CIITA: variants seen among roughly 807,000 people sequenced by gnomAD.
The protein encoded by CIITA is class II major histocompatibility complex transactivator, also known as MHC class II transactivator.
In CIITA, 72 loss-of-function variants were observed where a neutral mutation model predicts 115.1. That is an observed-to-expected ratio of 0.63 (90% CI 0.52 to 0.76). The LOEUF (loss-of-function observed/expected upper bound fraction) is 0.76, where lower values mean the gene tolerates loss of function less well. CIITA is among the 30% of genes least tolerant of loss of function. The pLI is 0.00. For missense variants in CIITA, 1,617 were observed against 1,463.8 expected, an observed-to-expected ratio of 1.10 and a Z score of -1.71; for synonymous variants, 763 against 635.6, an observed-to-expected ratio of 1.20 and a Z score of -3.02.
At position 10,908,121 on chromosome 16, in the gene CIITA, G is replaced by A. The variant is rs772620752; in HGVS notation, c.2629G>A (p.Val877Met). The A allele has an allele frequency of 6.3e-6, 10 of 1,581,416 alleles. No homozygotes were observed. Among genetic ancestry groups the A allele is most frequent in the South Asian group, 1.1e-5 (1 of 87,518 alleles). The change falls in exon 11 of 20, where the codon GTG (valine) becomes ATG (methionine). Residue 877 changes from valine to methionine, a missense_variant. Transcript: ENST00000324288. ...GICPSGLGSLVGLSCVTRFRA... is the reference protein window; with the variant it reads ...GICPSGLGSLMGLSCVTRFRA... ...TTGCCCCTCTGGATTGGGGAGCCTC[G>A]TGGGACTCAGCTGTGTCACCCGTTT...
At chr16:10,912,633 A>G (rs910379685) in intron 13 of CIITA, among the ~76,000 whole-genome samples, 1 of 152,206 alleles carries the variant, frequency 6.6e-6, no homozygotes, top group African/African-American at 2.4e-5. Context: ...CTTGTTTTGA[A>G]CAGAGACAAG....
At chr16:10,921,994 A>G (rs75612724) in intron 16 of CIITA, among the ~76,000 whole-genome samples, 173 bp from the exon 17 acceptor site, 1 of 152,216 alleles carries the variant, frequency 6.6e-6, no homozygotes, top group Non-Finnish European at 1.5e-5. Flanking sequence ...AACCATCCCA[A>G]TGGCCTATGT....
At chr16:10,867,678 C>T (rs2035183076) in intron 1 of CIITA, among the ~76,000 whole-genome samples, 1 of 152,172 alleles carries the variant, frequency 6.6e-6, no homozygotes, top group Non-Finnish European at 1.5e-5. Flanking sequence ...GTCCTCTTTC[C>T]ACTCACATCC....
chr16:10,875,370 C>T (rs1031810237), upstream of CIITA, among the ~76,000 whole-genome samples: 2 of 152,190 alleles, frequency 1.3e-5, no homozygotes, highest in Non-Finnish European at 2.9e-5. Flanking sequence ...ACTCCTCACC[C>T]GGGGACTTCT....
chr16:10,906,304 G>T (rs1049337222), intron 10 of CIITA, among the ~76,000 whole-genome samples, 195 bp from the exon 11 acceptor site: 1 of 152,140 alleles, frequency 6.6e-6, no homozygotes, highest in Non-Finnish European at 1.5e-5. Context: ...AGGTTGCAGC[G>T]AGCTGTGATC....
At chr16:10,881,857 A>G (rs1448523106) in intron 1 of CIITA, among the ~76,000 whole-genome samples, 1 of 152,168 alleles carries the variant, frequency 6.6e-6, no homozygotes, top group Non-Finnish European at 1.5e-5. Flanking sequence ...AGCTCGTGGT[A>G]ACTCCAACTT....
upstream of CIITA, among the ~76,000 whole-genome samples, chr16:10,876,211 C>T (rs936697914): frequency 6.6e-6 from 1 of 152,150 alleles, no homozygotes; most frequent in African/African-American, 2.4e-5. Flanking sequence ...CATAGGGTGT[C>T]ACTATGTTGC....
intron 9 of CIITA, 24 bp downstream of exon 9, chr16:10,903,919 G>T (rs749662162): frequency 6.2e-6 from 10 of 1,614,074 alleles, no homozygotes; most frequent in Non-Finnish European, 8.5e-6. Flanking sequence ...GGGCCTGTGA[G>T]AGGTACTAGA....
chr16:10,911,877 A>C (rs2144858363), intron 13 of CIITA, among the ~76,000 whole-genome samples: 1 of 151,930 alleles, frequency 6.6e-6, no homozygotes, highest in African/African-American at 2.4e-5. Context: ...TTTGCAGCTC[A>C]CCTTCCATCT....
At chr16:10,875,512 G>A (rs1057270571), upstream of CIITA, among the ~76,000 whole-genome samples, 6 of 151,860 alleles carry the variant, frequency 4.0e-5, no homozygotes, top group South Asian at 2.1e-4. Context: ...TAAGTTCCCC[G>A]TCCAGTGCTC....
rs2040486782 is a variant in CIITA, at chr16:10,925,309, A to T, written c.*1454A>T. ...GAAGTCACACAGTATTACTTCTGCT[A>T]CATATATATGTTTTAAGAGGCAGGG... is the stretch of plus-strand genomic sequence containing the variant. On this transcript the variant is annotated 3_prime_UTR_variant, in exon 20 of 20. Coordinates refer to ENST00000324288, the MANE Select transcript of CIITA (RefSeq NM_000246.4). 6.6e-6 allele frequency: 1 copy of T among 152,218 alleles called. No homozygotes were observed. The highest frequency in any genetic ancestry group is 2.1e-4 in the South Asian group (1 of 4,834). 9.4% of individuals were successfully genotyped at this position (152,218 alleles called of 1,614,324 possible). A position where few individuals can be genotyped will look rare whatever the true frequency, so the allele number is the denominator to read the frequency against.
Position 10,922,238 on chromosome 16 carries a change from T to C in CIITA, c.3221T>C (p.Leu1074Pro). ...CGTGTGCTTCCGGACATGGTGTCCCTCCGGGTGATGGAGTGAGTGTGGGAG... is the reference window on the plus strand; with the variant it reads ...CGTGTGCTTCCGGACATGGTGTCCCCCCGGGTGATGGAGTGAGTGTGGGAG... Reference protein sequence around the residue: ...LARVLPDMVSLRVMDVQYNKF... With the variant: ...LARVLPDMVSPRVMDVQYNKF... Residue 1074 changes from leucine to proline, a missense_variant, in exon 17 of 20, where the codon CTC becomes CCC. Coordinates refer to ENST00000324288, the MANE Select transcript of CIITA (RefSeq NM_000246.4). 1 of 1,614,184 alleles carries C rather than the reference T, an allele frequency of 6.2e-7. No homozygotes were observed. Among genetic ancestry groups the C allele is most frequent in the Non-Finnish European group, 8.5e-7 (1 of 1,180,006 alleles).
chr16:10,877,922 G>A (rs754169930), intron 1 of CIITA, among the ~76,000 whole-genome samples: 115 of 152,192 alleles, frequency 7.6e-4, no homozygotes, highest in Non-Finnish European at 9.3e-4. Flanking sequence ...CAGATGGTGG[G>A]AAGAGCACAG....
intron 1 of CIITA, among the ~76,000 whole-genome samples, chr16:10,885,288 C>T (rs1007376311): frequency 6.6e-6 from 1 of 152,172 alleles, no homozygotes; most frequent in East Asian, 1.9e-4. Flanking sequence ...ATCTCCAGAC[C>T]TCTCCTGACA....
intron 1 of CIITA, among the ~76,000 whole-genome samples, chr16:10,880,244 T>C (rs755061873): frequency 9.2e-5 from 14 of 152,112 alleles, no homozygotes; most frequent in Non-Finnish European, 1.9e-4. Context: ...TCACCTGGGA[T>C]GATCAACCTG....
Position 10,920,287 on chromosome 16 carries a change from G to C in CIITA, c.3149+1761G>C, listed in dbSNP as rs531694559. Among the ~76,000 whole-genome samples the C allele has an allele frequency of 4.6e-5, 7 of 152,156 alleles. No homozygotes were observed. The highest frequency in any genetic ancestry group is 1.7e-4 in the African/African-American group (7 of 41,530). ...TTTTGAGACCAAGTCTCACTTTATT[G>C]CCCAGGCTAAGGTGCAGTGGCATGA... On this transcript the variant is annotated intron_variant, in intron 16 of 19. Transcript: ENST00000324288. The surrounding 1 kb of genome is among the most constrained non-coding windows in gnomAD (Gnocchi z 4.5).
At chr16:10,904,860 C>G (rs1324116224) in intron 10 of CIITA, 48 bp downstream of exon 10, 2 of 1,589,876 alleles carry the variant, frequency 1.3e-6, no homozygotes, top group Non-Finnish European at 1.7e-6. Context: ...GATGGAAGCC[C>G]ATATCTGGCT....
At chr16:10,900,037 C>T (rs530409833) in intron 5 of CIITA, among the ~76,000 whole-genome samples, 168 of 152,124 alleles carry the variant, frequency 1.1e-3, no homozygotes, top group African/African-American at 3.7e-3. Flanking sequence ...GCTAAGATCA[C>T]GCCACTGCAC....
chr16:10,918,555 T>G, intron 16 of CIITA, 29 bp downstream of exon 16: 2 of 1,603,154 alleles, frequency 1.2e-6, no homozygotes, highest in South Asian at 2.2e-5. Flanking sequence ...ACCGGTCAGG[T>G]GCTGAGCTGG....
Sources: gnomAD v4.1 joint callset for allele counts (sites outside exome capture counted in the v4.1 genomes callset) on GRCh38, gnomAD v4.1.1 for gene constraint, Gnocchi (gnomAD v3.1) non-coding constraint, MANE v1.5 for transcripts, NCBI Gene and HGNC (gene_info 2026-07-23, HGNC 2026-07-21) for gene names.